The following DOCK9 variants were observed in gnomAD, a reference collection of about 807,000 sequenced individuals.
DOCK9 encodes the protein dedicator of cytokinesis 9, also known as dedicator of cytokinesis protein 9.
DOCK9 carries 89 observed loss-of-function variants against 263.3 expected under a neutral mutation model. That is an observed-to-expected ratio of 0.34 (90% CI 0.28 to 0.40). The LOEUF (loss-of-function observed/expected upper bound fraction) is 0.40, where lower values mean the gene tolerates loss of function less well. Among genes scored for constraint, DOCK9 ranks in the 10% least tolerant of loss-of-function variants. DOCK9 has a pLI of 1.00. For synonymous variants in DOCK9, 976 were observed against 973.1 expected, an observed-to-expected ratio of 1.00 and a Z score of -0.06; for missense variants, 2,140 against 2,603.4, an observed-to-expected ratio of 0.82 and a Z score of 3.87.
intron 1 of DOCK9, among the ~76,000 whole-genome samples, chr13:98,999,510 G>A (rs1464971134): frequency 6.6e-6 from 1 of 152,178 alleles, no homozygotes; most frequent in Non-Finnish European, 1.5e-5. Context: ...CCAGTTGCCT[G>A]ATTTGAGCCA....
At chr13:98,919,759 T>G (rs1473287647) in intron 7 of DOCK9, among the ~76,000 whole-genome samples, 1 of 152,264 alleles carries the variant, frequency 6.6e-6, no homozygotes, top group Admixed American at 6.5e-5. Context: ...TTATCTCATG[T>G]GCACTGTGAA....
chr13:99,082,734 C>T (rs1272048991), intron 1 of DOCK9, among the ~76,000 whole-genome samples: 1 of 152,054 alleles, frequency 6.6e-6, no homozygotes, highest in Non-Finnish European at 1.5e-5. Flanking sequence ...TGCCTAAGAG[C>T]TTCACCCACA....
chr13:98,867,405 T>C lies in DOCK9; in HGVS notation c.3286+20A>G. ...ATGTCTCTGTTTGTGAAAAGGTTAA[T>C]AGAAATAAAGATGGATTACCTTGGT... is the stretch of plus-strand genomic sequence containing the variant. On this transcript the variant is annotated intron_variant, in intron 30 of 52. Transcript: ENST00000682017. The C allele has an allele frequency of 1.5e-6, 2 of 1,325,946 alleles. No homozygotes were observed. The highest frequency in any genetic ancestry group is 2.3e-5 in the East Asian group (1 of 43,250). The allele number at this position is 1,325,946 out of a possible 1,614,324, so 82.1% of individuals were successfully genotyped here.
In DOCK9 at chr13:98,895,380, C is replaced by T. The variant is rs115204300; in HGVS notation, c.1709+2108G>A. Among the ~76,000 whole-genome samples the T allele has an allele frequency of 2.0e-3, 299 of 151,850 alleles. 1 individual carries two copies. Among genetic ancestry groups the T allele is most frequent in the African/African-American group, 7.0e-3 (291 of 41,416 alleles). On this transcript the variant is annotated intron_variant, in intron 15 of 52. Coordinates refer to ENST00000682017, the MANE Select transcript of DOCK9 (RefSeq NM_001366683.2). ...ATAAAACGTAAAAAAAAATGTTCCC[C>T]CCTAGGCTGGGCACGGTGGCTCATG...
intron 15 of DOCK9, among the ~76,000 whole-genome samples, chr13:98,896,813 G>T (rs368351684): frequency 6.6e-6 from 1 of 152,180 alleles, no homozygotes; most frequent in Non-Finnish European, 1.5e-5. Flanking sequence ...GTTGAATTGT[G>T]TCCTCCAAAA....
chr13:98,846,707 C>G, intron 37 of DOCK9: 1 of 455,366 alleles, frequency 2.2e-6, no homozygotes, highest in Non-Finnish European at 4.2e-6. Flanking sequence ...AACCGTCCCC[C>G]TCACTGTGTT....
intron 1 of DOCK9, among the ~76,000 whole-genome samples, chr13:98,987,780 C>T (rs1878805943): frequency 6.6e-6 from 1 of 152,094 alleles, no homozygotes; most frequent in Non-Finnish European, 1.5e-5. Context: ...GAGTTATGTT[C>T]CAAAATTAAC....
intron 1 of DOCK9, among the ~76,000 whole-genome samples, chr13:99,030,817 CAAGT>C (rs1566326814): frequency 6.6e-6 from 1 of 152,124 alleles, no homozygotes; most frequent in Non-Finnish European, 1.5e-5. Context: ...TTACAATGTA[CAAGT>C]AAGGGAACTC....
chr13:98,819,379 G>A (rs2092118276), intron 45 of DOCK9, among the ~76,000 whole-genome samples: 1 of 152,188 alleles, frequency 6.6e-6, no homozygotes. Context: ...AAATTTCCAA[G>A]TCATGAAGAA....
Position 99,058,942 on chromosome 13 carries a change from C to G in DOCK9, c.129+27281G>C, listed in dbSNP as rs965715609. On this transcript the variant is annotated intron_variant, in intron 1 of 32. Transcript: ENST00000427887. ...CAGAAGGTTGTGGCACCCCAGGAAGCCTCCTGGCTTTGGAAACACACTTCC... is the reference window on the plus strand; with the variant it reads ...CAGAAGGTTGTGGCACCCCAGGAAGGCTCCTGGCTTTGGAAACACACTTCC... Among the ~76,000 whole-genome samples the G allele has an allele frequency of 9.2e-5, 14 of 152,314 alleles. No individual in the cohort carries two copies. The East Asian group carries it at 2.5e-3, about 27-fold the overall frequency.
rs139371695 is a variant in DOCK9 at position 98,824,806 on chromosome 13, GT to G, written c.5024-303del. On this transcript the variant is annotated intron_variant, in intron 44 of 52. Coordinates refer to ENST00000682017, the MANE Select transcript of DOCK9 (RefSeq NM_001366683.2). Reference sequence around the variant, plus strand: ...AAATAGGTATTAAATCAAAGTAATAGTAAAATAACAATAAGTGAAAATTTGT... The same window carrying G: ...AAATAGGTATTAAATCAAAGTAATAGAAAATAACAATAAGTGAAAATTTGT... Among the ~76,000 whole-genome samples the G allele has an allele frequency of 6.7e-3, 1,026 of 152,260 alleles. 3 individuals carry two copies. Among genetic ancestry groups the G allele is most frequent in the Non-Finnish European group, 9.5e-3 (645 of 68,016 alleles).
intron 39 of DOCK9, chr13:98,831,997 G>A (rs1181586177): frequency 1.8e-6 from 1 of 570,394 alleles, no homozygotes; most frequent in African/African-American, 1.9e-5. Flanking sequence ...GAACCTCCCA[G>A]CAAACTAACA....
chr13:98,851,488 A>G (rs1325870778), intron 35 of DOCK9, among the ~76,000 whole-genome samples: 1 of 152,124 alleles, frequency 6.6e-6, no homozygotes, highest in Non-Finnish European at 1.5e-5. Context: ...CCCTCAGCAC[A>G]CACCAGACGA....
At chr13:98,999,316 A>ACACACACACACTCTCTCTCTCT in intron 1 of DOCK9, among the ~76,000 whole-genome samples, 8 of 138,292 alleles carry the variant, frequency 5.8e-5, no homozygotes, top group African/African-American at 2.0e-4. Flanking sequence ...ACACACACAC[A>ACACACACACACTCTCTCTCTCT]CTCTCTCTCT....
At chr13:98,872,573 A>G (rs2094216063) in intron 27 of DOCK9, among the ~76,000 whole-genome samples, 1 of 151,906 alleles carries the variant, frequency 6.6e-6, no homozygotes, top group South Asian at 2.1e-4. Context: ...TGCCCAGCTA[A>G]TTTTGTTCAC....
In DOCK9 at chr13:99,057,471, C is replaced by T. The variant is rs773956343; in HGVS notation, c.129+28752G>A. Among the ~76,000 whole-genome samples the T allele has an allele frequency of 5.3e-5, 8 of 152,078 alleles. 1 individual carries two copies. Among genetic ancestry groups the T allele is most frequent in the Non-Finnish European group, 2.9e-5 (2 of 68,010 alleles). Reference sequence around the variant, plus strand: ...TGAGCTGAGGACCAGATCTTCATTGCGCCTCTGATTTCTTTACTAAGCCAC... The same window carrying T: ...TGAGCTGAGGACCAGATCTTCATTGTGCCTCTGATTTCTTTACTAAGCCAC... On this transcript the variant is annotated intron_variant, in intron 1 of 32. Transcript: ENST00000427887.
intron 9 of DOCK9, among the ~76,000 whole-genome samples, chr13:98,904,969 G>T (rs1432352039): frequency 6.6e-6 from 1 of 152,184 alleles, no homozygotes; most frequent in Non-Finnish European, 1.5e-5. Flanking sequence ...AAGCAAAAGA[G>T]AATAATTAAG....
intron 48 of DOCK9, 114 bp downstream of exon 48, chr13:98,807,547 C>T (rs1712551947): frequency 2.0e-6 from 2 of 1,011,024 alleles, no homozygotes; most frequent in Non-Finnish European, 2.6e-6. Context: ...CCACTCACGG[C>T]CAACAATCCT....
intron 1 of DOCK9, among the ~76,000 whole-genome samples, chr13:99,063,285 G>T (rs1216387508): frequency 6.6e-6 from 1 of 152,214 alleles, no homozygotes; most frequent in Non-Finnish European, 1.5e-5. Context: ...GAGCCAAAAT[G>T]ACACTGCTGG....
Sources: allele counts gnomAD v4.1 joint callset (sites outside exome capture counted in the v4.1 genomes callset), GRCh38; gene constraint gnomAD v4.1.1; transcripts MANE v1.5; gene names NCBI Gene and HGNC (gene_info 2026-07-23, HGNC 2026-07-21).